Variants in SLTM observed in about 807,000 individuals in gnomAD.
SLTM encodes the protein SAFB like transcription modulator.
Under a neutral mutation model 134.6 loss-of-function variants are expected in SLTM, and 43 were observed. The observed-to-expected ratio is 0.32, with a 90% CI of 0.25 to 0.41. The LOEUF is 0.41. SLTM is among the 10% of genes least tolerant of loss of function. SLTM has a pLI of 1.00. For synonymous variants in SLTM, 424 were observed against 432.3 expected (o/e 0.98, Z 0.24); for missense variants, 1,055 against 1,288.8 (o/e 0.82, Z 2.78).
intron 5 of SLTM, among the ~76,000 whole-genome samples, chr15:58,912,248 C>T (rs546933832): frequency 2.0e-5 from 3 of 151,986 alleles, no homozygotes; most frequent in South Asian, 4.2e-4. Context: ...TACAGGTGCC[C>T]GCCACCACGC....
At chr15:58,920,167 A>C (rs2036924170) in intron 2 of SLTM, among the ~76,000 whole-genome samples, 1 of 151,710 alleles carries the variant, frequency 6.6e-6, no homozygotes, top group African/African-American at 2.4e-5. Context: ...AATACAAAAA[A>C]GTAGCTGGGC....
chr15:58,913,483 A>G lies in SLTM; in HGVS notation c.513+16T>C, dbSNP rs772180089. 1.9e-6 allele frequency: 3 copies of G among 1,580,118 alleles called. No individual in the cohort carries two copies. The South Asian group carries it at 3.6e-5, about 19-fold the overall frequency. ...AATTTATCTGTGTCATGTTTTAAAA[A>G]AAACTGGCTAAAGACCTGACTTTCG... On this transcript the variant is annotated intron_variant, in intron 4 of 20. Transcript: ENST00000380516.
intron 2 of SLTM, among the ~76,000 whole-genome samples, chr15:58,929,059 G>T (rs137984116): frequency 6.6e-6 from 1 of 152,110 alleles, no homozygotes; most frequent in Non-Finnish European, 1.5e-5. Flanking sequence ...GAAAACAGGC[G>T]CACTGAAGGA....
Position 58,887,264 on chromosome 15 carries a change from T to C in SLTM, c.2652A>G (p.Lys884=). 1 of 1,614,194 alleles carries C rather than the reference T, an allele frequency of 6.2e-7. No individual in the cohort carries two copies. The highest frequency in any genetic ancestry group is 1.1e-5 in the South Asian group (1 of 91,080). Residue 884 remains lysine, a synonymous_variant, in exon 18 of 21, where the codon AAA becomes AAG. Coordinates refer to ENST00000380516, the MANE Select transcript of SLTM (RefSeq NM_024755.4). ...TGTCAGTGGACATGCTTCCTTCACT[T>C]TTCCAGCTGGTGGGTCTGGAAGGAT... ...GPNPSRPTSW[K]SEGSMSTDKR...
chr15:58,932,586 C>A, intron 1 of SLTM, 143 bp from the exon 2 acceptor site: 1 of 581,738 alleles, frequency 1.7e-6, no homozygotes. Flanking sequence ...CAAAAATGAG[C>A]AATTAAACTA....
chr15:58,902,714 T>G (rs1171858160), intron 5 of SLTM, among the ~76,000 whole-genome samples: 1 of 151,054 alleles, frequency 6.6e-6, no homozygotes, highest in African/African-American at 2.4e-5. Flanking sequence ...TAACTTGTTT[T>G]GTATGTTTTG....
intron 14 of SLTM, among the ~76,000 whole-genome samples, chr15:58,891,258 G>A (rs929980048): frequency 2.3e-4 from 35 of 152,144 alleles, no homozygotes; most frequent in African/African-American, 8.4e-4. Flanking sequence ...AGGTATCTAA[G>A]TATCTTATTG....
intron 2 of SLTM, among the ~76,000 whole-genome samples, chr15:58,925,673 T>C (rs1306276385): frequency 1.3e-5 from 2 of 152,162 alleles, no homozygotes; most frequent in African/African-American, 4.8e-5. Context: ...ACAAAGATAA[T>C]TCACATTCAT....
chr15:58,920,765 G>A (rs765367056), intron 2 of SLTM, among the ~76,000 whole-genome samples: 38 of 151,998 alleles, frequency 2.5e-4, no homozygotes, highest in Non-Finnish European at 4.6e-4. Flanking sequence ...AGACCAGCCT[G>A]GCCAACACAG....
chr15:58,880,123 A>T lies in SLTM; in HGVS notation c.2997-16T>A. The T allele has an allele frequency of 6.2e-7, 1 of 1,610,504 alleles. No individual in the cohort carries two copies. The highest frequency in any genetic ancestry group is 8.5e-7 in the Non-Finnish European group (1 of 1,178,114). ...GGATGCGTTACTGAAAAAGGTTTAAAAGAAAAAAACATCAGAGAACAAAGA... is the reference window on the plus strand; with the variant it reads ...GGATGCGTTACTGAAAAAGGTTTAATAGAAAAAAACATCAGAGAACAAAGA... On this transcript the variant is annotated splice_polypyrimidine_tract_variant and intron_variant, in intron 20 of 20. Transcript: ENST00000380516.
chr15:58,920,657 A>ATAAATAAG (rs2036972710), intron 2 of SLTM, among the ~76,000 whole-genome samples: 1 of 149,842 alleles, frequency 6.7e-6, no homozygotes, highest in South Asian at 2.1e-4. Flanking sequence ...AAATAAATAA[A>ATAAATAAG]TAAATAAAAA....
In SLTM at chr15:58,899,646, C is replaced by T. The variant is rs1274690209; in HGVS notation, c.881G>A (p.Ser294Asn). The T allele has an allele frequency of 6.2e-7, 1 of 1,614,202 alleles. No homozygotes were observed. The highest frequency in any genetic ancestry group is 8.5e-7 in the Non-Finnish European group (1 of 1,180,024). Residue 294 changes from serine (S) to asparagine (N), a missense_variant, in exon 7 of 21, where the codon AGC becomes AAC. By Grantham distance (46) the Ser-to-Asn change is conservative (BLOSUM62 1). Coordinates refer to ENST00000380516, the MANE Select transcript of SLTM (RefSeq NM_024755.4). The surrounding 1 kb of genome is among the most constrained non-coding windows in gnomAD (Gnocchi z 5.0). The part of the protein sequence containing the change: ...DAIAQSPEKE[S>N]KDYEMNANHK... Reference sequence around the variant, plus strand: ...GTTCGCATTCATCTCATAATCCTTGCTTTCCTTCTCCGGGCTCTGTGCAAT... The same window carrying T: ...GTTCGCATTCATCTCATAATCCTTGTTTTCCTTCTCCGGGCTCTGTGCAAT...
rs778110318 is a variant in SLTM at position 58,899,890 on chromosome 15, G to C, written c.637C>G (p.Pro213Ala). 1 of 1,613,906 alleles carries C rather than the reference G, an allele frequency of 6.2e-7. No homozygotes were observed. The highest frequency in any genetic ancestry group is 1.7e-5 in the Admixed American group (1 of 60,008). Residue 213 changes from proline to alanine, a missense_variant, in exon 7 of 21, where the codon CCT becomes GCT. Coordinates refer to ENST00000380516, the MANE Select transcript of SLTM (RefSeq NM_024755.4). The surrounding 1 kb of genome is among the most constrained non-coding windows in gnomAD (Gnocchi z 5.0). ...DGTQEVSKPL[P>A]SEGSLAEADH... is the part of the protein sequence containing the mutation. The stretch of plus-strand genomic sequence containing the variant: ...GCCTCAGCTAGGCTCCCTTCTGAAG[G>C]AAGAGGTTTAGATACTTCTTGTGTA...
In SLTM at chr15:58,905,979, TG is replaced by T. The variant is rs1211618197; in HGVS notation, c.562-4693del. 2.0e-4 allele frequency among the ~76,000 whole-genome samples: 30 copies of T among 152,340 alleles called. 1 individual carries two copies. The highest frequency in any genetic ancestry group is 7.0e-4 in the African/African-American group (29 of 41,582). On this transcript the variant is annotated intron_variant, in intron 5 of 20. Coordinates refer to ENST00000380516, the MANE Select transcript of SLTM (RefSeq NM_024755.4). Reference sequence around the variant, plus strand: ...CTAGAAAACAAAACTGATTACAATGTGGTTGGAGCACAAAAACAACTTGGGT... The same window carrying T: ...CTAGAAAACAAAACTGATTACAATGTGTTGGAGCACAAAAACAACTTGGGT...
Position 58,894,422 on chromosome 15 carries a change from G to C in SLTM, c.1377+11C>G. 1 of 1,613,950 alleles carries C rather than the reference G, an allele frequency of 6.2e-7. No homozygotes were observed. The highest frequency in any genetic ancestry group is 1.1e-5 in the South Asian group (1 of 91,056). ...TTAGACTTGCTTTGATAAACAGTTA[G>C]GGAAGCTTACTTTTTCAACAGAAAT... On this transcript the variant is annotated intron_variant, in intron 10 of 20. Coordinates refer to ENST00000380516, the MANE Select transcript of SLTM (RefSeq NM_024755.4).
chr15:58,900,320 C>T (rs73430525), intron 6 of SLTM: 3,152 of 183,768 alleles, frequency 0.017, 98 homozygotes, highest in African/African-American at 0.072. Flanking sequence ...ACCCTAGTGA[C>T]CTTCAGAACT....
At chr15:58,904,306 C>A (rs571573080) in intron 5 of SLTM, among the ~76,000 whole-genome samples, 17 of 152,092 alleles carry the variant, frequency 1.1e-4, no homozygotes, top group African/African-American at 4.1e-4. Flanking sequence ...CTGCCACGCC[C>A]GGCCAACAAT....
chr15:58,888,328 CAG>C (rs1289415732), intron 17 of SLTM, 55 bp downstream of exon 17: 58 of 1,439,190 alleles, frequency 4.0e-5, no homozygotes, highest in Non-Finnish European at 5.4e-5. Flanking sequence ...TTAGGAGAAA[CAG>C]AGTTATCACT....
chr15:58,907,643 T>A (rs2035958295), intron 5 of SLTM, among the ~76,000 whole-genome samples: 1 of 151,686 alleles, frequency 6.6e-6, no homozygotes. Context: ...AACAACAAAA[T>A]TAAAGTATTA....
Sources: gnomAD v4.1 joint callset for allele counts (sites outside exome capture counted in the v4.1 genomes callset) on GRCh38, gnomAD v4.1.1 for gene constraint, Gnocchi (gnomAD v3.1) non-coding constraint, MANE v1.5 for transcripts, NCBI Gene and HGNC (gene_info 2026-07-23, HGNC 2026-07-21) for gene names.